Variants in AIG1 observed in about 807,000 individuals in gnomAD.
The protein encoded by AIG1 is androgen induced 1, also known as androgen-induced gene 1 protein.
Under a neutral mutation model 31.4 loss-of-function variants are expected in AIG1, and 23 were observed. That is an observed-to-expected ratio of 0.73 (90% CI 0.53 to 1.04). AIG1 has a LOEUF of 1.04. Ranked by LOEUF, AIG1 falls within the 50% of genes least tolerant of loss-of-function variation. AIG1 has a pLI of 0.00. For missense variants in AIG1, 274 were observed against 295.0 expected, an observed-to-expected ratio of 0.93 and a Z score of 0.52; for synonymous variants, 100 against 110.5, an observed-to-expected ratio of 0.90 and a Z score of 0.60.
intron 3 of AIG1, among the ~76,000 whole-genome samples, chr6:143,207,854 A>T (rs1178841102): frequency 6.6e-6 from 1 of 152,176 alleles, no homozygotes; most frequent in African/African-American, 2.4e-5. Flanking sequence ...ACATTGACAG[A>T]CATAATTCAT....
At chr6:143,314,068 G>T (rs961363895) in intron 4 of AIG1, among the ~76,000 whole-genome samples, 1 of 151,440 alleles carries the variant, frequency 6.6e-6, no homozygotes, top group Non-Finnish European at 1.5e-5. Context: ...AAAATACTGG[G>T]CTGGGCACAG....
chr6:143,339,718 A>G lies in AIG1; in HGVS notation c.*42A>G. 6.2e-7 allele frequency: 1 copy of G among 1,605,442 alleles called. No individual in the cohort carries two copies. Among genetic ancestry groups the G allele is most frequent in the Non-Finnish European group, 8.5e-7 (1 of 1,174,502 alleles). On this transcript the variant is annotated 3_prime_UTR_variant, in exon 6 of 6. Transcript: ENST00000357847. ...CAAGAGCTAGATTGAGCCGCCATTG[A>G]AGACTCCTTCCCCTCGGGCATTGGC... is the stretch of plus-strand genomic sequence containing the variant.
chr6:143,060,881 C>T (rs370294007), upstream of AIG1: 9 of 1,363,038 alleles, frequency 6.6e-6, no homozygotes, highest in South Asian at 1.7e-5. Context: ...GCCTCCCTCA[C>T]GCCCGCCCTC....
Position 143,165,133 on chromosome 6 carries a change from T to C in AIG1, c.349T>C (p.Tyr117His), listed in dbSNP as rs145897074. 779 of 1,613,494 alleles carry C rather than the reference T, an allele frequency of 4.8e-4. 1 individual carries two copies. Among genetic ancestry groups the C allele is most frequent in the Non-Finnish European group, 6.2e-4 (728 of 1,179,600 alleles). The part of the protein sequence containing the change: ...IIYAYDREMI[Y>H]PKLLDNFIPG... ...TTATGCCTATGACAGAGAGATGATA[T>C]ACCCGAAGCTGCTGGATAATTTTAT... The change falls in exon 3 of 6, where the codon TAC becomes CAC. Residue 117 changes from tyrosine to histidine, a missense_variant. Around this residue, in one of 2 missense-constraint regions of AIG1, gnomAD observed 243 missense variants for 238.5 expected, o/e 1.02. Transcript: ENST00000357847.
intron 1 of AIG1, among the ~76,000 whole-genome samples, chr6:143,094,493 G>A (rs768165458): frequency 5.9e-5 from 9 of 152,100 alleles, no homozygotes; most frequent in African/African-American, 1.9e-4. Context: ...CCATTGCTTC[G>A]GAGTGAGAGA....
intron 3 of AIG1, among the ~76,000 whole-genome samples, chr6:143,207,849 G>A (rs1401526007): frequency 1.3e-5 from 2 of 152,102 alleles, no homozygotes; most frequent in Non-Finnish European, 2.9e-5. Flanking sequence ...ACATAACATT[G>A]ACAGACATAA....
chr6:143,194,945 G>A (rs1189013221), intron 3 of AIG1, among the ~76,000 whole-genome samples: 5 of 152,218 alleles, frequency 3.3e-5, no homozygotes, highest in African/African-American at 1.2e-4. Context: ...TAGAAAGTGG[G>A]CCTCACCCAA....
At chr6:143,199,554 A>G (rs1227530879) in intron 3 of AIG1, among the ~76,000 whole-genome samples, 2 of 152,194 alleles carry the variant, frequency 1.3e-5, no homozygotes, top group African/African-American at 2.4e-5. Context: ...CCTGATTTTC[A>G]TATGAGCTCA....
intron 2 of AIG1, among the ~76,000 whole-genome samples, chr6:143,137,243 C>T (rs949537681): frequency 1.3e-5 from 2 of 152,146 alleles, no homozygotes; most frequent in South Asian, 2.1e-4. Flanking sequence ...TTGCAGACAG[C>T]GCCTTCTGAC....
At chr6:143,181,012 CT>C (rs927427537) in intron 3 of AIG1, among the ~76,000 whole-genome samples, 2 of 152,228 alleles carry the variant, frequency 1.3e-5, no homozygotes, top group African/African-American at 4.8e-5. Flanking sequence ...TGATGTTATT[CT>C]TTTGGTAGAT....
intron 2 of AIG1, among the ~76,000 whole-genome samples, chr6:143,151,871 C>T (rs1785265549): frequency 6.6e-6 from 1 of 152,194 alleles, no homozygotes; most frequent in Non-Finnish European, 1.5e-5. Context: ...AGTCAAATTA[C>T]TATAATCTGA....
intron 1 of AIG1, among the ~76,000 whole-genome samples, chr6:143,080,248 G>A (rs1583096274): frequency 1.3e-5 from 2 of 152,232 alleles, no homozygotes. Flanking sequence ...TTCCTTGGGA[G>A]GGGTGCCTTC....
intron 2 of AIG1, among the ~76,000 whole-genome samples, chr6:143,146,689 T>C (rs1019799451): frequency 2.6e-4 from 40 of 152,216 alleles, no homozygotes; most frequent in Admixed American, 5.2e-4. Flanking sequence ...GAGGTAACTC[T>C]TAACTCCTTT....
At chr6:143,281,242 C>T (rs1583721702) in intron 3 of AIG1, among the ~76,000 whole-genome samples, 1 of 152,180 alleles carries the variant, frequency 6.6e-6, no homozygotes, top group African/African-American at 2.4e-5. Context: ...CCTTTCTGAG[C>T]CTTTTTTGCC....
chr6:143,194,334 G>A (rs951688949), intron 3 of AIG1, among the ~76,000 whole-genome samples: 6 of 152,166 alleles, frequency 3.9e-5, no homozygotes, highest in Non-Finnish European at 7.4e-5. Context: ...ACTATCACGA[G>A]AATAGCATGG....
At chr6:143,315,866 GT>G (rs1473889366) in intron 4 of AIG1, among the ~76,000 whole-genome samples, 1 of 152,028 alleles carries the variant, frequency 6.6e-6, no homozygotes, top group Non-Finnish European at 1.5e-5. Context: ...TACTGATTTA[GT>G]TTCTCAAAAT....
chr6:143,103,497 T>C (rs71564428), intron 1 of AIG1, among the ~76,000 whole-genome samples: 196 of 146,194 alleles, frequency 1.3e-3, no homozygotes, highest in African/African-American at 5.0e-3. Context: ...AATACAGAAG[T>C]TTTCTTTTTT....
intron 3 of AIG1, among the ~76,000 whole-genome samples, chr6:143,257,699 A>C (rs534980672): frequency 5.9e-5 from 9 of 152,170 alleles, no homozygotes; most frequent in Non-Finnish European, 1.0e-4. Flanking sequence ...GGTCATGCAG[A>C]GGTTTTTAGC....
At chr6:143,320,813 C>T (rs1393252055) in intron 4 of AIG1, among the ~76,000 whole-genome samples, 1 of 137,560 alleles carries the variant, frequency 7.3e-6, no homozygotes, top group African/African-American at 2.8e-5. Context: ...ACTTGTTAAG[C>T]GAGTAGATTT....
Sources: gnomAD v4.1 joint callset for allele counts (sites outside exome capture counted in the v4.1 genomes callset) on GRCh38, gnomAD v4.1.1 for gene constraint, gnomAD v4.1.1 regional missense constraint, MANE v1.5 for transcripts, NCBI Gene and HGNC (gene_info 2026-07-23, HGNC 2026-07-21) for gene names.